The following ADAMTS17 variants were observed in gnomAD, a reference collection of about 807,000 sequenced individuals.
The protein encoded by ADAMTS17 is ADAM metallopeptidase with thrombospondin type 1 motif 17, also known as A disintegrin and metalloproteinase with thrombospondin motifs 17.
ADAMTS17 carries 113 observed loss-of-function variants against 141.5 expected under a neutral mutation model. That is an observed-to-expected ratio of 0.80 (90% confidence interval 0.69 to 0.93). The LOEUF is 0.93. Among genes scored for constraint, ADAMTS17 ranks in the 40% least tolerant of loss-of-function variants. ADAMTS17 has a pLI of 0.00. For synonymous variants in ADAMTS17, 768 were observed against 630.6 expected (o/e 1.22, Z -3.27); for missense variants, 1,659 against 1,517.9 (o/e 1.09, Z -1.54).
At chr15:100,305,940 A>G (rs2045207939) in intron 3 of ADAMTS17, 1 of 152,760 alleles carries the variant, frequency 6.5e-6, no homozygotes, top group Non-Finnish European at 1.5e-5. Flanking sequence ...CCGTAAAGCT[A>G]TAATCAATTA....
At position 100,016,611 on chromosome 15, in the gene ADAMTS17, G is replaced by C. The variant is rs528627758; in HGVS notation, c.2592-19022C>G. Among the ~76,000 whole-genome samples, 35 of 152,238 alleles carry C rather than the reference G, an allele frequency of 2.3e-4. 1 individual carries two copies. The highest frequency in any genetic ancestry group is 2.0e-3 in the Admixed American group (31 of 15,290). ...CTATGGATATGGCTTCCTGTGAGCC[G>C]AACTGAAGTGATTGCTGTCTCTCTT... is the stretch of plus-strand genomic sequence containing the variant. On this transcript the variant is annotated intron_variant, in intron 18 of 21. Transcript: ENST00000268070.
chr15:100,281,432 C>T (rs1261098439), intron 3 of ADAMTS17, 31 bp from the exon 4 acceptor site: 1 of 1,601,188 alleles, frequency 6.2e-7, no homozygotes. Context: ...TTGTGCGGTC[C>T]TTGGCTTACT....
chr15:100,096,080 C>T (rs2035738557), intron 15 of ADAMTS17, among the ~76,000 whole-genome samples: 2 of 152,254 alleles, frequency 1.3e-5, no homozygotes. Context: ...AAGTGCTGAG[C>T]TCCTGGCCCA....
intron 18 of ADAMTS17, among the ~76,000 whole-genome samples, chr15:100,032,743 T>C (rs1259371327): frequency 6.6e-6 from 1 of 152,196 alleles, no homozygotes; most frequent in Non-Finnish European, 1.5e-5. Flanking sequence ...GAAAACATTG[T>C]TTTGCATTCT....
chr15:100,213,697 A>T (rs2041880250), intron 7 of ADAMTS17, among the ~76,000 whole-genome samples: 1 of 152,216 alleles, frequency 6.6e-6, no homozygotes, highest in African/African-American at 2.4e-5. Flanking sequence ...TATTCATCCT[A>T]TCCCTTCCAA....
chr15:100,207,418 A>G (rs1263034814), intron 7 of ADAMTS17, among the ~76,000 whole-genome samples: 1 of 152,166 alleles, frequency 6.6e-6, no homozygotes, highest in Non-Finnish European at 1.5e-5. Context: ...TAAACAAGCT[A>G]ATACACCCAG....
chr15:100,224,037 T>C (rs1890292480), intron 7 of ADAMTS17, among the ~76,000 whole-genome samples: 1 of 152,102 alleles, frequency 6.6e-6, no homozygotes, highest in South Asian at 2.1e-4. Flanking sequence ...GTTTTTCTTA[T>C]TGCTTTATAT....
At chr15:100,244,677 G>A (rs958444299) in intron 7 of ADAMTS17, among the ~76,000 whole-genome samples, 1 of 152,090 alleles carries the variant, frequency 6.6e-6, no homozygotes, top group Non-Finnish European at 1.5e-5. Flanking sequence ...AGGACCTTGA[G>A]GGCCACTGTA....
intron 7 of ADAMTS17, among the ~76,000 whole-genome samples, chr15:100,206,156 GT>G (rs1320933250): frequency 3.9e-5 from 6 of 152,208 alleles, no homozygotes; most frequent in African/African-American, 1.2e-4. Context: ...GTGCCTTGGA[GT>G]TCCCTTTCAG....
chr15:100,243,322 A>G (rs12324426), intron 7 of ADAMTS17, among the ~76,000 whole-genome samples: 36,040 of 152,130 alleles, frequency 0.24, 4,627 homozygotes, highest in East Asian at 0.44. Flanking sequence ...CCTGCTTTCA[A>G]TTCTTTTGGG....
chr15:100,136,196 GAT>G (rs1463908889), intron 10 of ADAMTS17, among the ~76,000 whole-genome samples: 1 of 152,194 alleles, frequency 6.6e-6, no homozygotes, highest in Non-Finnish European at 1.5e-5. Flanking sequence ...GAGCAGAACA[GAT>G]GAATGCTGGT....
chr15:100,168,756 C>A (rs1283793043), intron 8 of ADAMTS17: 1 of 152,272 alleles, frequency 6.6e-6, no homozygotes, highest in African/African-American at 2.4e-5. Context: ...CCACTCAATG[C>A]ATCCTCTGGG....
intron 4 of ADAMTS17, among the ~76,000 whole-genome samples, chr15:100,266,458 G>A (rs1240139343): frequency 1.3e-5 from 2 of 152,156 alleles, no homozygotes; most frequent in Non-Finnish European, 2.9e-5. Context: ...ATTCCCCCAG[G>A]TAAGGGCAGG....
In ADAMTS17 at chr15:100,002,102, A is replaced by G. The variant is rs1360120020; in HGVS notation, c.2592-4513T>C. ...TGTTGTCCAACTTGATACTATTTCTATATTTTTAAGCAGCCAGATTAAACA... is the reference window on the plus strand; with the variant it reads ...TGTTGTCCAACTTGATACTATTTCTGTATTTTTAAGCAGCCAGATTAAACA... On this transcript the variant is annotated intron_variant, in intron 18 of 21. Coordinates refer to ENST00000268070, the MANE Select transcript of ADAMTS17 (RefSeq NM_139057.4). Among the ~76,000 whole-genome samples the G allele has an allele frequency of 6.0e-5, 9 of 150,948 alleles. 1 individual carries two copies. The highest frequency in any genetic ancestry group is 1.9e-4 in the African/African-American group (8 of 41,066).
At chr15:100,305,289 A>T (rs1392380122) in intron 3 of ADAMTS17, among the ~76,000 whole-genome samples, 2 of 152,206 alleles carry the variant, frequency 1.3e-5, no homozygotes, top group African/African-American at 2.4e-5. Context: ...TGTTTCTTAG[A>T]AGCCCTAGCT....
chr15:100,089,994 A>T (rs796648808), intron 15 of ADAMTS17, among the ~76,000 whole-genome samples: 9,178 of 88,912 alleles, frequency 0.1, 285 homozygotes, highest in African/African-American at 0.21. Flanking sequence ...AATAAAATTA[A>T]AAAAAAAAAA....
At chr15:100,315,822 G>A (rs1377029990) in intron 3 of ADAMTS17, among the ~76,000 whole-genome samples, 1 of 152,218 alleles carries the variant, frequency 6.6e-6, no homozygotes, top group East Asian at 1.9e-4. Context: ...CACTGCCCCA[G>A]GCCTGGCTTA....
chr15:100,211,211 G>A (rs1020583008), intron 7 of ADAMTS17, among the ~76,000 whole-genome samples: 9 of 150,510 alleles, frequency 6.0e-5, no homozygotes, highest in African/African-American at 1.2e-4. Flanking sequence ...CTGAAGAAAC[G>A]GTTGCACCTG....
chr15:100,084,243 T>C (rs2034943001), intron 15 of ADAMTS17, among the ~76,000 whole-genome samples: 2 of 152,206 alleles, frequency 1.3e-5, no homozygotes, highest in African/African-American at 4.8e-5. Context: ...CCTCGCTCAT[T>C]GCTAGCACAG....
Sources: allele counts gnomAD v4.1 joint callset (sites outside exome capture counted in the v4.1 genomes callset), GRCh38; gene constraint gnomAD v4.1.1; transcripts MANE v1.5; gene names NCBI Gene and HGNC (gene_info 2026-07-23, HGNC 2026-07-21).